MYO18B: variants seen among roughly 807,000 people sequenced by gnomAD.
The protein encoded by MYO18B is unconventional myosin-XVIIIb.
MYO18B carries 204 observed loss-of-function variants against 273.0 expected under a neutral mutation model. The ratio of observed to expected loss-of-function variants is 0.75; its 90% confidence interval spans 0.67 to 0.84. The LOEUF (loss-of-function observed/expected upper bound fraction) is 0.84, where lower values mean the gene tolerates loss of function less well. MYO18B is among the 40% of genes least tolerant of loss of function. The pLI, the probability that MYO18B is intolerant of heterozygous loss-of-function variation, is 0.00. For synonymous variants in MYO18B, 1,330 were observed against 1,305.7 expected, an observed-to-expected ratio of 1.02 and a Z score of -0.40; for missense variants, 3,212 against 3,287.6, an observed-to-expected ratio of 0.98 and a Z score of 0.56.
intron 25 of MYO18B, among the ~76,000 whole-genome samples, chr22:25,887,014 G>A (rs1268094444): frequency 6.6e-6 from 1 of 152,168 alleles, no homozygotes; most frequent in African/African-American, 2.4e-5. Flanking sequence ...CTCACCCAAG[G>A]GGTTATAATG....
chr22:25,886,114 G>C (rs146576896), intron 25 of MYO18B, among the ~76,000 whole-genome samples: 102 of 152,344 alleles, frequency 6.7e-4, no homozygotes, highest in African/African-American at 2.4e-3. Context: ...TTCCCCATCT[G>C]CCACCTCGAG....
intron 7 of MYO18B, among the ~76,000 whole-genome samples, chr22:25,773,824 T>A (rs1441299636): frequency 6.6e-6 from 1 of 152,106 alleles, no homozygotes; most frequent in African/African-American, 2.4e-5. Flanking sequence ...TTAGAGAGAG[T>A]CCCTACTGGG....
At chr22:25,754,146 G>C (rs1014878342) in intron 1 of MYO18B, among the ~76,000 whole-genome samples, 1 of 152,228 alleles carries the variant, frequency 6.6e-6, no homozygotes, top group Non-Finnish European at 1.5e-5. Flanking sequence ...CTCTGGAGGA[G>C]GAGTAGGGTG....
intron 17 of MYO18B, among the ~76,000 whole-genome samples, chr22:25,842,189 G>C (rs550133616): frequency 6.6e-6 from 1 of 152,338 alleles, no homozygotes; most frequent in Admixed American, 6.5e-5. Context: ...GTATTTTGCA[G>C]AGAGTTCCAA....
intron 27 of MYO18B, 196 bp from the exon 28 acceptor site, chr22:25,894,960 A>G: frequency 1.6e-6 from 1 of 615,732 alleles, no homozygotes; most frequent in Non-Finnish European, 2.8e-6. Context: ...GGTGGTCAGG[A>G]CAGGCTGCCT....
chr22:25,912,711 G>A (rs939663854), intron 33 of MYO18B, among the ~76,000 whole-genome samples: 4 of 152,236 alleles, frequency 2.6e-5, no homozygotes, highest in Admixed American at 6.5e-5. Context: ...GAAACAAAAC[G>A]TTTTAAGAAC....
chr22:25,828,676 G>A (rs978331823), intron 14 of MYO18B, 100 bp from the exon 15 acceptor site: 2 of 1,163,070 alleles, frequency 1.7e-6, no homozygotes, highest in African/African-American at 1.5e-5. Flanking sequence ...CCTGTAAGAG[G>A]TGAGCTTGGT....
chr22:25,845,160 C>G (rs1010291370), intron 18 of MYO18B, among the ~76,000 whole-genome samples: 1 of 152,176 alleles, frequency 6.6e-6, no homozygotes, highest in African/African-American at 2.4e-5. Flanking sequence ...TTAGAGAGCC[C>G]GGTTCGTAGT....
Position 25,903,795 on chromosome 22 carries a change from G to C in MYO18B, c.5112G>C (p.Gln1704His), listed in dbSNP as rs1437453380. The change falls in exon 31 of 44, where the codon CAG becomes CAC. Residue 1704 changes from glutamine (Q) to histidine (H), a missense_variant. Transcript: ENST00000335473. ...ESSALEQQKIQSQQENTIKQL... is the reference protein window; with the variant it reads ...ESSALEQQKIHSQQENTIKQL... ...GCGCCCTTGAGCAACAGAAAATCCA[G>C]AGCCAGCAGGAAAACACCATCAAGC... 1.1e-5 allele frequency: 17 copies of C among 1,602,840 alleles called. No individual in the cohort carries two copies. The highest frequency in any genetic ancestry group is 1.4e-5 in the Non-Finnish European group (17 of 1,174,778).
the MYO18B span, among the ~76,000 whole-genome samples, chr22:26,051,494 C>A: frequency 6.6e-6 from 1 of 152,114 alleles, no homozygotes; most frequent in African/African-American, 2.4e-5. Context: ...GAGGTCTGAG[C>A]AGTGAAATGC....
intron 31 of MYO18B, among the ~76,000 whole-genome samples, chr22:25,906,290 AAGAAATATTAT>A (rs2092041297): frequency 7.2e-6 from 1 of 139,330 alleles, no homozygotes; most frequent in Admixed American, 7.0e-5. Context: ...AAAAATGAAA[AAGAAATATTAT>A]AGTTACTTGC....
At chr22:26,024,444 C>G (rs1315438732) in intron 42 of MYO18B, among the ~76,000 whole-genome samples, 5 of 152,092 alleles carry the variant, frequency 3.3e-5, no homozygotes, top group African/African-American at 1.2e-4. Context: ...CGTCCTGGAG[C>G]AGCATGAGCA....
rs778520453 is a variant in MYO18B, at chr22:25,768,368, GT to G, written c.453del (p.Asp152MetfsTer4). On this transcript the variant is annotated frameshift_variant, in exon 4 of 44. Coordinates refer to ENST00000335473, the MANE Select transcript of MYO18B (RefSeq NM_032608.7). LOFTEE classifies it high-confidence loss of function. The part of the protein sequence containing the change: ...TVPFKRGVRR[G>X]DVLLMVAKLD... ...CCCTTCAAGAGGGGCGTGAGGAGGG[GT>G]GATGTGTTGTTGATGGTGGCCAAGC... The G allele has an allele frequency of 6.2e-7, 1 of 1,613,746 alleles. No individual in the cohort carries two copies. Among genetic ancestry groups the G allele is most frequent in the East Asian group, 2.2e-5 (1 of 44,898 alleles).
chr22:25,830,413 G>A (rs58245059), intron 15 of MYO18B, among the ~76,000 whole-genome samples: 30,259 of 152,168 alleles, frequency 0.2, 3,283 homozygotes, highest in Non-Finnish European at 0.24. Flanking sequence ...TGTCTGGATG[G>A]CCTGGGCAGC....
chr22:25,887,552 T>C (rs557240186), intron 25 of MYO18B, among the ~76,000 whole-genome samples: 12 of 152,180 alleles, frequency 7.9e-5, no homozygotes, highest in Non-Finnish European at 1.8e-4. Flanking sequence ...AATTTCTGGT[T>C]AATTGGTTCT....
At chr22:25,874,558 T>C (rs2146187822) in intron 23 of MYO18B, 144 bp downstream of exon 23, 1 of 1,028,048 alleles carries the variant, frequency 9.7e-7, no homozygotes, top group Non-Finnish European at 1.4e-6. Context: ...CTTTGCAAGA[T>C]GTTATGACTG....
intron 32 of MYO18B, among the ~76,000 whole-genome samples, chr22:25,909,607 T>C (rs1195239869): frequency 3.9e-5 from 6 of 152,312 alleles, no homozygotes; most frequent in Non-Finnish European, 8.8e-5. Context: ...CCTCAAAGTA[T>C]GGTGTGTGCC....
At chr22:25,786,735 A>G (rs1280988723) in intron 11 of MYO18B, among the ~76,000 whole-genome samples, 1 of 152,248 alleles carries the variant, frequency 6.6e-6, no homozygotes, top group Non-Finnish European at 1.5e-5. Flanking sequence ...AGTATGAAGA[A>G]GCAAGCCACC....
intron 2 of MYO18B, chr22:25,762,943 C>A (rs2331158): frequency 3.8e-5 from 22 of 577,070 alleles, no homozygotes; most frequent in South Asian, 2.4e-4. Context: ...AACCAGCAGC[C>A]TTGACCATAC....
Sources: gnomAD v4.1 joint callset for allele counts (sites outside exome capture counted in the v4.1 genomes callset) on GRCh38, gnomAD v4.1.1 for gene constraint, MANE v1.5 for transcripts, NCBI Gene and HGNC (gene_info 2026-07-23, HGNC 2026-07-21) for gene names.